Variants in SOBP observed in about 807,000 individuals in gnomAD.
The protein encoded by SOBP is sine oculis-binding protein homolog.
Under a neutral mutation model 53.6 loss-of-function variants are expected in SOBP, and 4 were observed. The observed-to-expected ratio is 0.07, with a 90% CI of 0.04 to 0.17. The LOEUF (loss-of-function observed/expected upper bound fraction) is 0.17, where lower values mean the gene tolerates loss of function less well. Among genes scored for constraint, SOBP ranks in the 10% least tolerant of loss-of-function variants. The probability of loss-of-function intolerance (pLI) is 1.00; values close to 1 mark genes in which losing one functional copy is unlikely to be tolerated. For missense variants in SOBP, 1,088 were observed against 1,204.7 expected, an observed-to-expected ratio of 0.90 and a Z score of 1.43; for synonymous variants, 584 against 522.6, an observed-to-expected ratio of 1.12 and a Z score of -1.60.
chr6:107,591,141 C>T (rs1004422320), intron 5 of SOBP, among the ~76,000 whole-genome samples: 11 of 152,266 alleles, frequency 7.2e-5, no homozygotes, highest in East Asian at 1.9e-4. Flanking sequence ...TTTATTGTAA[C>T]GTATCTGATA....
chr6:107,556,358 A>C (rs1562611765), intron 4 of SOBP, among the ~76,000 whole-genome samples: 2 of 152,198 alleles, frequency 1.3e-5, no homozygotes, highest in Admixed American at 6.5e-5. Context: ...TGAAAACTCC[A>C]TGTAGTCAAA....
chr6:107,559,756 T>C (rs1457278547), intron 4 of SOBP, among the ~76,000 whole-genome samples: 2 of 152,224 alleles, frequency 1.3e-5, no homozygotes, highest in African/African-American at 2.4e-5. Context: ...TGTGAGAGAA[T>C]ATGGATTTGT....
chr6:107,528,900 A>T (rs1323033654), intron 3 of SOBP, among the ~76,000 whole-genome samples: 3 of 152,196 alleles, frequency 2.0e-5, no homozygotes, highest in Non-Finnish European at 2.9e-5. Context: ...TGTGATTAGG[A>T]GCAAATTACT....
intron 3 of SOBP, among the ~76,000 whole-genome samples, chr6:107,515,291 AAAAC>A (rs1187346432): frequency 3.3e-5 from 5 of 152,378 alleles, no homozygotes; most frequent in East Asian, 1.9e-4. Context: ...AGAAAAACAA[AAAAC>A]AAACAAAGAA....
intron 5 of SOBP, among the ~76,000 whole-genome samples, chr6:107,617,820 C>CTTTTTTTT (rs71551315): frequency 2.0e-5 from 2 of 101,188 alleles, no homozygotes; most frequent in Non-Finnish European, 3.8e-5. Flanking sequence ...TGTATGACTC[C>CTTTTTTTT]TTTTTTTTTT....
intron 6 of SOBP, among the ~76,000 whole-genome samples, chr6:107,652,950 G>A (rs1197089808): frequency 2.6e-5 from 4 of 151,824 alleles, no homozygotes; most frequent in South Asian, 4.2e-4. Flanking sequence ...CTACAGTATA[G>A]TATAAACATA....
chr6:107,490,819 T>G (rs576874917), intron 1 of SOBP, 107 bp downstream of exon 1: 8 of 843,848 alleles, frequency 9.5e-6, no homozygotes, highest in Non-Finnish European at 1.6e-5. Flanking sequence ...TGTCAGTTTC[T>G]GTAGGATGCC....
intron 3 of SOBP, among the ~76,000 whole-genome samples, chr6:107,507,396 C>T (rs979459142): frequency 1.3e-5 from 2 of 152,080 alleles, no homozygotes; most frequent in Admixed American, 6.6e-5. Flanking sequence ...ACCTCTGCCT[C>T]CCGAGTTCAA....
At position 107,658,519 on chromosome 6, in the gene SOBP, A is replaced by G. The variant is rs1202186793; in HGVS notation, c.*316A>G. On this transcript the variant is annotated 3_prime_UTR_variant, in exon 7 of 7. Coordinates refer to ENST00000317357, the MANE Select transcript of SOBP (RefSeq NM_018013.4). ...AAAAACGAAATACCGACAAGCCACA[A>G]GGACCAATGTAGGTATTCTCCCCGC... 1 of 152,650 alleles carries G rather than the reference A, an allele frequency of 6.6e-6. No individual in the cohort carries two copies. The highest frequency in any genetic ancestry group is 6.5e-5 in the Admixed American group (1 of 15,290). The allele number at this position is 152,650 out of a possible 1,614,324, so 9.5% of individuals were successfully genotyped here. A position where few individuals can be genotyped will look rare whatever the true frequency, so the allele number is the denominator to read the frequency against.
intron 4 of SOBP, among the ~76,000 whole-genome samples, chr6:107,567,232 A>G (rs1330247259): frequency 1.3e-5 from 2 of 152,234 alleles, no homozygotes; most frequent in African/African-American, 4.8e-5. Context: ...GGGAAGACGG[A>G]CACATTTTCT....
chr6:107,605,425 T>C (rs1309178236), intron 5 of SOBP, among the ~76,000 whole-genome samples: 6 of 152,212 alleles, frequency 3.9e-5, no homozygotes, highest in South Asian at 4.1e-4. Context: ...AAGGAAAATA[T>C]GTAGGCGAAA....
At chr6:107,614,496 C>G (rs1289196400) in intron 5 of SOBP, among the ~76,000 whole-genome samples, 1 of 152,198 alleles carries the variant, frequency 6.6e-6, no homozygotes, top group Non-Finnish European at 1.5e-5. Flanking sequence ...GGATGTTGTG[C>G]TAAGTAGCTT....
At chr6:107,592,591 A>C (rs1785794009) in intron 5 of SOBP, among the ~76,000 whole-genome samples, 1 of 152,224 alleles carries the variant, frequency 6.6e-6, no homozygotes, top group African/African-American at 2.4e-5. Flanking sequence ...CAACACAGGC[A>C]CTGAAAATTA....
At chr6:107,596,978 A>G (rs1166304664) in intron 5 of SOBP, among the ~76,000 whole-genome samples, 3 of 152,226 alleles carry the variant, frequency 2.0e-5, no homozygotes, top group African/African-American at 4.8e-5. Flanking sequence ...AGACTTAACC[A>G]TGTGAAGTAC....
chr6:107,565,876 T>G (rs1784903255), intron 4 of SOBP, among the ~76,000 whole-genome samples: 1 of 152,222 alleles, frequency 6.6e-6, no homozygotes, highest in Admixed American at 6.5e-5. Context: ...GCACCTCCTG[T>G]GCAGGGAAAG....
intron 2 of SOBP, 136 bp downstream of exon 2, chr6:107,503,931 A>G (rs1165668846): frequency 3.7e-6 from 4 of 1,070,176 alleles, no homozygotes; most frequent in Non-Finnish European, 1.4e-6. Context: ...TACATCCCCA[A>G]TAGTGCTTTC....
intron 5 of SOBP, among the ~76,000 whole-genome samples, chr6:107,610,802 AC>A (rs1786566073): frequency 1.0e-5 from 1 of 98,304 alleles, no homozygotes; most frequent in South Asian, 3.1e-4. Flanking sequence ...ACACGCACAC[AC>A]ACACACACAC....
At chr6:107,541,773 A>G (rs970384807) in intron 4 of SOBP, among the ~76,000 whole-genome samples, 3 of 152,206 alleles carry the variant, frequency 2.0e-5, no homozygotes, top group Non-Finnish European at 2.9e-5. Context: ...TATAAGGAGA[A>G]TCTTTGAAGG....
intron 4 of SOBP, among the ~76,000 whole-genome samples, chr6:107,546,587 A>C (rs1355709363): frequency 6.6e-6 from 1 of 152,230 alleles, no homozygotes; most frequent in East Asian, 1.9e-4. Flanking sequence ...GTGCACACAG[A>C]AAGCCTCTGG....
Sources: gnomAD v4.1 joint callset for allele counts (sites outside exome capture counted in the v4.1 genomes callset) on GRCh38, gnomAD v4.1.1 for gene constraint, MANE v1.5 for transcripts, NCBI Gene and HGNC (gene_info 2026-07-23, HGNC 2026-07-21) for gene names.